The following JPT1 variants were observed in gnomAD, a reference collection of about 807,000 sequenced individuals.
The protein encoded by JPT1 is Jupiter microtubule associated homolog 1, also known as androgen-regulated protein 2.
Under a neutral mutation model 17.0 loss-of-function variants are expected in JPT1, and 5 were observed. The ratio of observed to expected loss-of-function variants is 0.29; its 90% CI spans 0.15 to 0.62. The LOEUF is 0.62. JPT1 is among the 20% of genes least tolerant of loss of function. The pLI is 0.85. For synonymous variants in JPT1, 71 were observed against 73.6 expected, an observed-to-expected ratio of 0.96 and a Z score of 0.18; for missense variants, 158 against 188.1, an observed-to-expected ratio of 0.84 and a Z score of 0.94.
At chr17:75,151,038 G>A (rs1278856203) in intron 1 of JPT1, among the ~76,000 whole-genome samples, 1 of 151,558 alleles carries the variant, frequency 6.6e-6, no homozygotes, top group East Asian at 2.0e-4. Context: ...ATTTTTAGTA[G>A]AGACGGGGTT....
At chr17:75,148,696 C>G in intron 1 of JPT1, 25 bp from the exon 2 acceptor site, 9 of 1,611,936 alleles carry the variant, frequency 5.6e-6, no homozygotes, top group Non-Finnish European at 6.8e-6. Context: ...AAAACATCAA[C>G]TTCAGATCAT....
intron 4 of JPT1, among the ~76,000 whole-genome samples, chr17:75,139,725 A>G (rs929040218): frequency 9.2e-5 from 14 of 151,960 alleles, no homozygotes; most frequent in African/African-American, 3.4e-4. Flanking sequence ...GGCTGAGGCA[A>G]GAGAATCACT....
rs1014805722 is a variant in JPT1 at position 75,148,810 on chromosome 17, A to G, written c.57-139T>C. On this transcript the variant is annotated intron_variant, in intron 1 of 4. Coordinates refer to ENST00000409753, the MANE Select transcript of JPT1 (RefSeq NM_016185.4). ...ACAACAGATAGCTGCTAACAGGAAA[A>G]AAGAATCAACTCCATCAGTGTCTAC... 9 of 1,058,126 alleles carry G rather than the reference A, an allele frequency of 8.5e-6. No individual in the cohort carries two copies. The Admixed American group carries it at 2.5e-4, about 29-fold the overall frequency. The allele number at this position is 1,058,126 out of a possible 1,614,324, so 65.5% of individuals were successfully genotyped here.
chr17:75,145,551 A>AC (rs1200476334), intron 4 of JPT1: 1 of 152,236 alleles, frequency 6.6e-6, no homozygotes, highest in Non-Finnish European at 1.5e-5. Flanking sequence ...CATTTACAAA[A>AC]TCACCAAGCA....
chr17:75,154,215 C>T, intron 1 of JPT1, 127 bp downstream of exon 1: 1 of 630,524 alleles, frequency 1.6e-6, no homozygotes, highest in Middle Eastern at 5.3e-4. Context: ...AGAACCCCGC[C>T]ACCCGCCCCG....
chr17:75,150,847 C>CTTTTTTTTTTTTTT (rs59267123), intron 1 of JPT1, among the ~76,000 whole-genome samples: 1 of 65,958 alleles, frequency 1.5e-5, no homozygotes, highest in African/African-American at 4.3e-5. Context: ...ATTTTTCTTT[C>CTTTTTTTTTTTTTT]TTTTTTTTTT....
At chr17:75,140,026 T>C (rs1208493428) in intron 4 of JPT1, among the ~76,000 whole-genome samples, 6 of 152,084 alleles carry the variant, frequency 3.9e-5, no homozygotes, top group Admixed American at 3.9e-4. Context: ...CAAGCGATTC[T>C]CCTGCCTCAG....
chr17:75,153,203 A>G (rs2074580754), intron 1 of JPT1: 1 of 152,228 alleles, frequency 6.6e-6, no homozygotes, highest in South Asian at 2.1e-4. Context: ...GATCCCAGAC[A>G]TAACTGTAAC....
Position 75,142,282 on chromosome 17 carries a change from G to A in JPT1, c.316+4384C>T, listed in dbSNP as rs1280365667. Among the ~76,000 whole-genome samples, 4 of 151,458 alleles carry A rather than the reference G, an allele frequency of 2.6e-5. No homozygotes were observed. The East Asian group carries it at 6.0e-4, about 23-fold the overall frequency. ...AATATAGAAAGCAGTAGAACCGGCC[G>A]GGCCTGGTGGCTCACGCCTGTAATC... On this transcript the variant is annotated intron_variant, in intron 4 of 4. Transcript: ENST00000409753.
intron 4 of JPT1, 160 bp downstream of exon 4, chr17:75,146,506 G>T: frequency 1.7e-6 from 1 of 582,786 alleles, no homozygotes; most frequent in Non-Finnish European, 3.1e-6. Context: ...TATGTTTCTA[G>T]CATTGATCGC....
intron 1 of JPT1, chr17:75,153,566 C>G (rs2145201157): frequency 6.6e-6 from 1 of 152,424 alleles, no homozygotes; most frequent in South Asian, 2.1e-4. Flanking sequence ...CGCAGAAAAC[C>G]CACTCGGGTT....
chr17:75,139,323 T>C (rs1598189109), intron 4 of JPT1, among the ~76,000 whole-genome samples: 2 of 152,278 alleles, frequency 1.3e-5, no homozygotes, highest in South Asian at 4.1e-4. Context: ...AACAAAAAAT[T>C]ATCTTGCAGT....
chr17:75,139,479 A>T lies in JPT1; in HGVS notation c.317-3229T>A, dbSNP rs750054985. ...TACTAATAAAGAAGAAGAAAAAAAT[A>T]AAAAAGCACCTATGGAGACTAAACA... On this transcript the variant is annotated intron_variant, in intron 4 of 4. Transcript: ENST00000409753. Among the ~76,000 whole-genome samples the T allele has an allele frequency of 5.9e-5, 9 of 152,106 alleles. No homozygotes were observed. In the East Asian group the frequency reaches 9.6e-4, roughly 16 times the overall value.
chr17:75,145,020 C>T (rs866719170), intron 4 of JPT1, among the ~76,000 whole-genome samples: 3 of 151,566 alleles, frequency 2.0e-5, no homozygotes, highest in African/African-American at 7.3e-5. Flanking sequence ...TGGCTCATGC[C>T]GGGCATGGTG....
At chr17:75,148,957 C>T in intron 1 of JPT1, 2 of 1,209,380 alleles carry the variant, frequency 1.7e-6, no homozygotes. Context: ...GGTTGGTGTC[C>T]CCTTTTCAGA....
In JPT1 at chr17:75,135,422, G is replaced by A. The variant is rs1418728230; in HGVS notation, c.*680C>T. 1 of 152,362 alleles carries A rather than the reference G, an allele frequency of 6.6e-6. No homozygotes were observed. Among genetic ancestry groups the A allele is most frequent in the Non-Finnish European group, 1.5e-5 (1 of 68,094 alleles). The allele number at this position is 152,362 out of a possible 1,614,324, so 9.4% of individuals were successfully genotyped here. On this transcript the variant is annotated 3_prime_UTR_variant, in exon 5 of 5. Transcript: ENST00000409753. Reference sequence around the variant, plus strand: ...CGTTCCTGGAGGAAGACCCGCTTCAGTGTGATTGCCTCCCTTGCTTCACTG... The same window carrying A: ...CGTTCCTGGAGGAAGACCCGCTTCAATGTGATTGCCTCCCTTGCTTCACTG...
chr17:75,142,594 G>T (rs1208470099), intron 4 of JPT1, among the ~76,000 whole-genome samples: 3 of 38,258 alleles, frequency 7.8e-5, no homozygotes, highest in Non-Finnish European at 1.6e-4. Flanking sequence ...GGAGAGGGAG[G>T]GAGGGAGGGG....
intron 4 of JPT1, among the ~76,000 whole-genome samples, chr17:75,138,886 T>G (rs1266539645): frequency 1.3e-5 from 2 of 152,250 alleles, no homozygotes; most frequent in African/African-American, 4.8e-5. Flanking sequence ...TAACATTTCA[T>G]GAATTTCTGG....
At chr17:75,147,493 TA>T in intron 3 of JPT1, 62 bp downstream of exon 3, 1 of 1,137,850 alleles carries the variant, frequency 8.8e-7, no homozygotes, top group Non-Finnish European at 1.3e-6. Context: ...CTGAAACTCT[TA>T]GTACAAATTT....
Sources: allele counts gnomAD v4.1 joint callset (sites outside exome capture counted in the v4.1 genomes callset), GRCh38; gene constraint gnomAD v4.1.1; transcripts MANE v1.5; gene names NCBI Gene and HGNC (gene_info 2026-07-23, HGNC 2026-07-21).